Variants in UGT2B15 observed in about 807,000 individuals in gnomAD.
The protein encoded by UGT2B15 is UDP glucuronosyltransferase family 2 member B15.
Under a neutral mutation model 45.9 loss-of-function variants are expected in UGT2B15, and 36 were observed. The ratio of observed to expected loss-of-function variants is 0.78; its 90% CI spans 0.60 to 1.04. The LOEUF (loss-of-function observed/expected upper bound fraction) is 1.04. UGT2B15 is among the 50% of genes least tolerant of loss of function. UGT2B15 has a pLI of 0.00. For synonymous variants in UGT2B15, 219 were observed against 216.4 expected (o/e 1.01, Z -0.11); for missense variants, 617 against 622.4 (o/e 0.99, Z 0.09).
chr4:68,651,808 T>C (rs1232371430), intron 5 of UGT2B15, among the ~76,000 whole-genome samples: 1 of 152,108 alleles, frequency 6.6e-6, no homozygotes. Flanking sequence ...GGTAGCATGA[T>C]GCCTCCAGCT....
intron 2 of UGT2B15, among the ~76,000 whole-genome samples, chr4:68,665,826 C>CA (rs1392433952): frequency 3.3e-5 from 5 of 152,140 alleles, no homozygotes; most frequent in African/African-American, 1.2e-4. Flanking sequence ...GCATGTGGAT[C>CA]ACCTGAGGTC....
intron 3 of UGT2B15, among the ~76,000 whole-genome samples, chr4:68,656,122 A>C (rs1274618411): frequency 6.6e-6 from 1 of 151,514 alleles, no homozygotes; most frequent in Non-Finnish European, 1.5e-5. Flanking sequence ...TTTTTTTTGG[A>C]GTTTTACTTG....
chr4:68,669,650 T>C (rs1733241894), intron 1 of UGT2B15, among the ~76,000 whole-genome samples: 1 of 152,164 alleles, frequency 6.6e-6, no homozygotes. Context: ...AAAGAAATCA[T>C]TAGTGCTTTA....
intron 5 of UGT2B15, among the ~76,000 whole-genome samples, chr4:68,650,995 G>GTTTTTTTTTTTTTTTTTTTTTATTT: frequency 8.5e-6 from 1 of 117,586 alleles, no homozygotes; most frequent in Non-Finnish European, 1.7e-5. Flanking sequence ...TGATGGTGTT[G>GTTTTTTTTTTTTTTTTTTTTTATTT]TTTTTTTTTT....
intron 5 of UGT2B15, 116 bp downstream of exon 5, chr4:68,653,921 G>C: frequency 2.2e-6 from 3 of 1,346,880 alleles, no homozygotes; most frequent in Non-Finnish European, 3.1e-6. Context: ...ATTTTACATT[G>C]GTTAAATCAC....
intron 3 of UGT2B15, among the ~76,000 whole-genome samples, chr4:68,656,739 A>ACC (rs1471749370): frequency 4.6e-5 from 7 of 152,082 alleles, no homozygotes; most frequent in Non-Finnish European, 1.0e-4. Context: ...GAACAAAGGC[A>ACC]CCACTCACCC....
intron 5 of UGT2B15, among the ~76,000 whole-genome samples, chr4:68,650,016 A>G (rs2109818769): frequency 6.6e-6 from 1 of 151,948 alleles, no homozygotes; most frequent in East Asian, 1.9e-4. Context: ...TATTTTTAGT[A>G]GAGACAGGGT....
At position 68,646,729 on chromosome 4, in the gene UGT2B15, A is replaced by AT. The variant is rs4148274; in HGVS notation, c.*374dup. ...TTCCTGGTTTAAAAAAAAGAGTTGTATTTTTTTTTTTTGCTTTTTTTAAAT... is the reference window on the plus strand; with the variant it reads ...TTCCTGGTTTAAAAAAAAGAGTTGTATTTTTTTTTTTTTGCTTTTTTTAAAT... On this transcript the variant is annotated 3_prime_UTR_variant, in exon 6 of 6. Transcript: ENST00000338206. 59,825 of 141,142 alleles carry AT rather than the reference A, an allele frequency of 0.42. 12,896 individuals are homozygous for AT. Among genetic ancestry groups the AT allele is most frequent in the East Asian group, 0.8 (3,954 of 4,930 alleles). 8.7% of individuals were successfully genotyped at this position (141,142 alleles called of 1,614,324 possible).
In UGT2B15 at chr4:68,646,969, T is replaced by G. The variant is rs1463955659; in HGVS notation, c.*135A>C. 2.2e-6 allele frequency: 3 copies of G among 1,340,688 alleles called. No homozygotes were observed. Among genetic ancestry groups the G allele is most frequent in the South Asian group, 3.0e-5 (2 of 66,972 alleles). 83.0% of individuals were successfully genotyped at this position (1,340,688 alleles called of 1,614,324 possible). On this transcript the variant is annotated 3_prime_UTR_variant, in exon 6 of 6. Coordinates refer to ENST00000338206, the MANE Select transcript of UGT2B15 (RefSeq NM_001076.4). Reference sequence around the variant, plus strand: ...ACGTATTAAATCCCTGGAAAATAAATTTTGTCTTAACAAGGTAAGTTGTGA... The same window carrying G: ...ACGTATTAAATCCCTGGAAAATAAAGTTTGTCTTAACAAGGTAAGTTGTGA...
In UGT2B15 at chr4:68,660,367, G is replaced by A. The variant is rs186796670; in HGVS notation, c.1005+2641C>T. Among the ~76,000 whole-genome samples the A allele has an allele frequency of 5.8e-3, 884 of 151,912 alleles. 11 individuals carry two copies. The highest frequency in any genetic ancestry group is 0.019 in the African/African-American group (804 of 41,410). Reference sequence around the variant, plus strand: ...AGTTTATTTTGGAACCCCAAGAGGAGAGGAATTCACCCAACTCGTAGGTAT... The same window carrying A: ...AGTTTATTTTGGAACCCCAAGAGGAAAGGAATTCACCCAACTCGTAGGTAT... On this transcript the variant is annotated intron_variant, in intron 3 of 5. Coordinates refer to ENST00000338206, the MANE Select transcript of UGT2B15 (RefSeq NM_001076.4).
In UGT2B15 at chr4:68,655,095, C is replaced by T. The variant is rs1384057937; in HGVS notation, c.1093G>A (p.Gly365Ser). Residue 365 changes from glycine to serine, a missense_variant and splice_region_variant, in exon 4 of 6, where the codon GGT (glycine) becomes AGT (serine). Physicochemically the swap from Gly to Ser is moderately conservative, Grantham distance 56. Around this residue, in one of 3 missense-constraint regions of UGT2B15, gnomAD observed 265 missense variants for 245.1 expected, o/e 1.08. Coordinates refer to ENST00000338206, the MANE Select transcript of UGT2B15 (RefSeq NM_001076.4). ...YKWLPQNDLL[G>S]HPKTKAFITH... ...CACTGTTTGTTCTCCAGAATCTTAC[C>T]AAGAAGGTCATTCTGGGGTAACCAC... is the stretch of plus-strand genomic sequence containing the variant. 1 of 1,612,484 alleles carries T rather than the reference C, an allele frequency of 6.2e-7. No individual in the cohort carries two copies. The highest frequency in any genetic ancestry group is 1.3e-5 in the African/African-American group (1 of 74,812).
At chr4:68,666,809 T>C (rs1287879068) in intron 2 of UGT2B15, among the ~76,000 whole-genome samples, 1 of 149,712 alleles carries the variant, frequency 6.7e-6, no homozygotes, top group Non-Finnish European at 1.5e-5. Flanking sequence ...TGCAATAGCG[T>C]GATCTCGGCT....
chr4:68,670,082 G>A lies in UGT2B15; in HGVS notation c.537C>T (p.Tyr179=), dbSNP rs1169055067. Residue 179 remains tyrosine (Y), a synonymous_variant, in exon 1 of 6, where the codon TAC becomes TAT. Coordinates refer to ENST00000338206, the MANE Select transcript of UGT2B15 (RefSeq NM_001076.4). ...FLYSLRFSVG[Y]TFEKNGGGFL... The stretch of plus-strand genomic sequence containing the variant: ...ATCCTCCACCATTCTTCTCAAATGT[G>A]TAGCCAACAGAGAATCGAAGACTGT... 1.2e-6 allele frequency: 2 copies of A among 1,614,088 alleles called. No homozygotes were observed.
chr4:68,656,391 ATTTT>A (rs147929412), intron 3 of UGT2B15, among the ~76,000 whole-genome samples: 2 of 128,032 alleles, frequency 1.6e-5, no homozygotes, highest in Non-Finnish European at 3.5e-5. Context: ...CATTTCTGGG[ATTTT>A]TTTTTTTTTT....
At chr4:68,655,217 T>C (rs1437354377) in intron 3 of UGT2B15, 35 bp from the exon 4 acceptor site, 2 of 1,603,060 alleles carry the variant, frequency 1.2e-6, no homozygotes, top group Admixed American at 1.7e-5. Context: ...GTTCAATGAA[T>C]AGAACTCTAA....
rs112939792 is a variant in UGT2B15 at position 68,669,931 on chromosome 4, G to T, written c.688C>A (p.Leu230Met). Residue 230 changes from leucine (L) to methionine (M), a missense_variant, in exon 1 of 6, where the codon CTG (leucine) becomes ATG (methionine). By Grantham distance (15) the Leu-to-Met change is conservative. Around this residue, in one of 3 missense-constraint regions of UGT2B15, gnomAD observed 351 missense variants for 342.1 expected, o/e 1.03. Transcript: ENST00000338206. ...CTATAAAACTGGTCCCACTTCTTCA[G>T]ATCATAAATTTGAAACCAAAAGTCA... ...YFDFWFQIYD[L>M]KKWDQFYSEV... The T allele has an allele frequency of 2.5e-6, 4 of 1,613,064 alleles. No homozygotes were observed. The South Asian group carries it at 3.3e-5, about 13-fold the overall frequency.
At chr4:68,669,741 C>T (rs1392662667) in intron 1 of UGT2B15, among the ~76,000 whole-genome samples, 154 bp downstream of exon 1, 1 of 152,090 alleles carries the variant, frequency 6.6e-6, no homozygotes, top group Non-Finnish European at 1.5e-5. Context: ...GGTCAACATT[C>T]TATAATATTT....
At position 68,670,217 on chromosome 4, in the gene UGT2B15, A is replaced by G; in HGVS notation, c.402T>C (p.Asn134=). 6.2e-7 allele frequency: 1 copy of G among 1,614,048 alleles called. No homozygotes were observed. Among genetic ancestry groups the G allele is most frequent in the Non-Finnish European group, 8.5e-7 (1 of 1,179,978 alleles). The change falls in exon 1 of 6, where the codon AAT becomes AAC. Residue 134 remains asparagine, a synonymous_variant. Coordinates refer to ENST00000338206, the MANE Select transcript of UGT2B15 (RefSeq NM_001076.4). ...SNKLCKDAVL[N]KKLMMKLQES... ...CTTGTAGTTTCATCATAAGTTTCTT[A>G]TTCAAAACTGCATCTTTACAGAGCT...
chr4:68,647,481 T>C (rs1471017295), intron 5 of UGT2B15, 98 bp from the exon 6 acceptor site: 15 of 1,338,726 alleles, frequency 1.1e-5, no homozygotes, highest in African/African-American at 2.9e-5. Flanking sequence ...ACACAAATGA[T>C]TGAAAGTAAG....
Sources: allele counts gnomAD v4.1 joint callset (sites outside exome capture counted in the v4.1 genomes callset), GRCh38; gene constraint gnomAD v4.1.1; regional missense constraint gnomAD v4.1.1; transcripts MANE v1.5; gene names NCBI Gene and HGNC (gene_info 2026-07-23, HGNC 2026-07-21).